Variants in NRG3 observed in about 807,000 individuals in gnomAD.
The protein encoded by NRG3 is pro-neuregulin-3, membrane-bound isoform.
Under a neutral mutation model 66.9 loss-of-function variants are expected in NRG3, and 31 were observed. That is an observed-to-expected ratio of 0.46 (90% confidence interval 0.35 to 0.63). NRG3 has a LOEUF of 0.63. Among genes scored for constraint, NRG3 ranks in the 20% least tolerant of loss-of-function variants. The pLI is 0.00. For missense variants in NRG3, 910 were observed against 878.9 expected (o/e 1.04, Z -0.45); for synonymous variants, 393 against 359.4 (o/e 1.09, Z -1.06).
At chr10:81,955,861 C>G (rs573479109) in intron 1 of NRG3, among the ~76,000 whole-genome samples, 2 of 152,278 alleles carry the variant, frequency 1.3e-5, no homozygotes, top group South Asian at 4.1e-4. Context: ...TATCCAGCTG[C>G]TCCCTCAGTA....
intron 1 of NRG3, among the ~76,000 whole-genome samples, chr10:81,887,655 G>A (rs1842719802): frequency 6.6e-6 from 1 of 152,130 alleles, no homozygotes; most frequent in South Asian, 2.1e-4. Context: ...CCATAGGAGA[G>A]TGGTGATTTG....
At chr10:82,492,041 T>C (rs984754846) in intron 2 of NRG3, among the ~76,000 whole-genome samples, 3 of 152,232 alleles carry the variant, frequency 2.0e-5, no homozygotes, top group Non-Finnish European at 4.4e-5. Flanking sequence ...TTGAACACTG[T>C]ATTTCAATAA....
chr10:82,259,166 A>G (rs552030381), intron 1 of NRG3, among the ~76,000 whole-genome samples: 76 of 152,298 alleles, frequency 5.0e-4, no homozygotes, highest in Admixed American at 1.2e-3. Context: ...AACATCTGCC[A>G]TTGATCGAAA....
intron 1 of NRG3, among the ~76,000 whole-genome samples, chr10:82,285,283 G>A (rs1260861084): frequency 6.6e-6 from 1 of 152,108 alleles, no homozygotes; most frequent in African/African-American, 2.4e-5. Context: ...GGTTTACCAA[G>A]TTCTTAAAAG....
At chr10:82,105,462 C>T (rs1334963425) in intron 1 of NRG3, among the ~76,000 whole-genome samples, 1 of 152,144 alleles carries the variant, frequency 6.6e-6, no homozygotes, top group African/African-American at 2.4e-5. Flanking sequence ...TCCCATTCTT[C>T]TAGGATAGGG....
At chr10:82,019,550 G>A (rs1301974568) in intron 1 of NRG3, among the ~76,000 whole-genome samples, 1 of 152,158 alleles carries the variant, frequency 6.6e-6, no homozygotes, top group African/African-American at 2.4e-5. Context: ...GAATTCGGCT[G>A]TGAATCCATC....
intron 2 of NRG3, among the ~76,000 whole-genome samples, chr10:82,708,037 A>G (rs2056428446): frequency 6.6e-6 from 1 of 152,002 alleles, no homozygotes; most frequent in African/African-American, 2.4e-5. Flanking sequence ...TAAAAAATAA[A>G]TAAATACATA....
chr10:81,880,573 C>T (rs1033993825), intron 1 of NRG3, among the ~76,000 whole-genome samples: 2 of 152,162 alleles, frequency 1.3e-5, no homozygotes, highest in Admixed American at 6.5e-5. Flanking sequence ...GCTACTTTCT[C>T]AGCCCTTCCT....
intron 2 of NRG3, among the ~76,000 whole-genome samples, chr10:82,551,800 A>G (rs571725958): frequency 3.1e-4 from 47 of 152,202 alleles, no homozygotes; most frequent in Non-Finnish European, 1.9e-4. Context: ...CCTGACTTTT[A>G]TAGTACTTGC....
At chr10:82,213,862 A>G (rs1446744464) in intron 1 of NRG3, among the ~76,000 whole-genome samples, 2 of 152,282 alleles carry the variant, frequency 1.3e-5, no homozygotes, top group African/African-American at 4.8e-5. Context: ...TATAATAGGA[A>G]TCTGGAGGTA....
At chr10:82,959,480 A>G (rs1850395414) in intron 6 of NRG3, among the ~76,000 whole-genome samples, 1 of 152,152 alleles carries the variant, frequency 6.6e-6, no homozygotes, top group African/African-American at 2.4e-5. Context: ...GAGTTCCGAG[A>G]TAGTTGTTGT....
rs551478667 is a variant in NRG3 at position 82,781,149 on chromosome 10, T to C, written c.1027+42499T>C. Among the ~76,000 whole-genome samples, 28 of 152,276 alleles carry C rather than the reference T, an allele frequency of 1.8e-4. No homozygotes were observed. The South Asian group carries it at 5.2e-3, about 28-fold the overall frequency. ...CTTCAATCTTGCAATCCTTAACCAGTCTACCTTCCTCTTTCCACATCTCAG... is the reference window on the plus strand; with the variant it reads ...CTTCAATCTTGCAATCCTTAACCAGCCTACCTTCCTCTTTCCACATCTCAG... On this transcript the variant is annotated intron_variant, in intron 3 of 8. Coordinates refer to ENST00000372141, the MANE Select transcript of NRG3 (RefSeq NM_001010848.4).
At chr10:82,044,906 T>G (rs1348891782) in intron 1 of NRG3, among the ~76,000 whole-genome samples, 2 of 151,882 alleles carry the variant, frequency 1.3e-5, no homozygotes, top group African/African-American at 4.8e-5. Context: ...TCATCATTTT[T>G]TATGGCTGCA....
chr10:82,737,140 GA>G (rs2058193385), intron 2 of NRG3, among the ~76,000 whole-genome samples: 1 of 152,102 alleles, frequency 6.6e-6, no homozygotes, highest in South Asian at 2.1e-4. Flanking sequence ...AAAAGGTTAT[GA>G]AAATGTGTTT....
chr10:82,720,333 T>C (rs1166499309), intron 2 of NRG3, among the ~76,000 whole-genome samples: 1 of 151,800 alleles, frequency 6.6e-6, no homozygotes, highest in Non-Finnish European at 1.5e-5. Context: ...GAGGTTGCAG[T>C]GAGCTGAGAT....
chr10:82,092,454 TA>T (rs1027193364), intron 1 of NRG3, among the ~76,000 whole-genome samples: 1 of 152,064 alleles, frequency 6.6e-6, no homozygotes, highest in Non-Finnish European at 1.5e-5. Context: ...CATCCTAGTA[TA>T]AAATGATACC....
intron 3 of NRG3, among the ~76,000 whole-genome samples, chr10:82,848,061 G>A (rs2063388899): frequency 6.6e-6 from 1 of 152,156 alleles, no homozygotes; most frequent in African/African-American, 2.4e-5. Context: ...ACAGGGAGCT[G>A]GAAATGCATG....
At chr10:82,371,930 A>G (rs1163465567) in intron 2 of NRG3, among the ~76,000 whole-genome samples, 2 of 152,108 alleles carry the variant, frequency 1.3e-5, no homozygotes, top group South Asian at 2.1e-4. Context: ...TCATGACTCA[A>G]ATACCTCCCA....
chr10:82,834,611 CT>C (rs1196016859), intron 3 of NRG3, among the ~76,000 whole-genome samples: 1 of 152,222 alleles, frequency 6.6e-6, no homozygotes, highest in Non-Finnish European at 1.5e-5. Context: ...CCTAATCTTT[CT>C]GTCCTGGATG....
Sources: gnomAD v4.1 joint callset for allele counts (sites outside exome capture counted in the v4.1 genomes callset) on GRCh38, gnomAD v4.1.1 for gene constraint, MANE v1.5 for transcripts, NCBI Gene and HGNC (gene_info 2026-07-23, HGNC 2026-07-21) for gene names.